Variants in FHIT observed in about 807,000 individuals in gnomAD.
FHIT encodes fragile histidine triad diadenosine triphosphatase, also known as bis(5'-adenosyl)-triphosphatase.
FHIT carries 19 observed loss-of-function variants against 17.9 expected under a neutral mutation model. The observed-to-expected ratio is 1.06, with a 90% CI of 0.74 to 1.56. The LOEUF is 1.56. Among genes scored for constraint, FHIT ranks in the 40% most tolerant of loss-of-function variants. FHIT has a pLI of 0.00. For missense variants in FHIT, 248 were observed against 189.2 expected (o/e 1.31, Z -1.82); for synonymous variants, 81 against 69.7 (o/e 1.16, Z -0.81).
chr3:60,985,533 G>A (rs1372505890), intron 3 of FHIT, among the ~76,000 whole-genome samples: 1 of 152,128 alleles, frequency 6.6e-6, no homozygotes, highest in Non-Finnish European at 1.5e-5. Flanking sequence ...ACAAGCATGT[G>A]ACCTATGGCA....
In FHIT at chr3:60,075,233, CA is replaced by C. The variant is rs576386057; in HGVS notation, c.104-61082del. Among the ~76,000 whole-genome samples, 134 of 152,176 alleles carry C rather than the reference CA, an allele frequency of 8.8e-4. 1 individual carries two copies. The highest frequency in any genetic ancestry group is 2.4e-3 in the African/African-American group (99 of 41,544). Reference sequence around the variant, plus strand: ...CTGTCAGGAGAACCAATGGAATAATCAATCACTCAATTTAAAGTGGGGAGCT... The same window carrying C: ...CTGTCAGGAGAACCAATGGAATAATCATCACTCAATTTAAAGTGGGGAGCT... On this transcript the variant is annotated intron_variant, in intron 5 of 9. Coordinates refer to ENST00000492590, the MANE Select transcript of FHIT (RefSeq NM_002012.4).
chr3:60,993,156 C>T (rs2030392145), intron 3 of FHIT, among the ~76,000 whole-genome samples: 1 of 152,182 alleles, frequency 6.6e-6, no homozygotes, highest in African/African-American at 2.4e-5. Flanking sequence ...GCATCTATCT[C>T]AGTGAAAAAT....
At chr3:60,080,889 T>C (rs1703251784) in intron 5 of FHIT, 1 of 152,136 alleles carries the variant, frequency 6.6e-6, no homozygotes, top group African/African-American at 2.4e-5. Flanking sequence ...TCTTGTGACC[T>C]TGCCAGGAAA....
intron 8 of FHIT, among the ~76,000 whole-genome samples, chr3:59,902,041 A>T (rs1035521153): frequency 6.6e-6 from 1 of 152,210 alleles, no homozygotes; most frequent in Admixed American, 6.5e-5. Flanking sequence ...TTTGGAAACC[A>T]TATATCAGAC....
intron 5 of FHIT, among the ~76,000 whole-genome samples, chr3:60,336,753 A>C (rs1388386559): frequency 6.6e-6 from 1 of 152,206 alleles, no homozygotes; most frequent in Non-Finnish European, 1.5e-5. Context: ...GACAGCATTG[A>C]ATTAGATAAT....
intron 8 of FHIT, among the ~76,000 whole-genome samples, chr3:59,841,528 T>C (rs557524874): frequency 6.6e-6 from 1 of 152,258 alleles, no homozygotes; most frequent in Non-Finnish European, 1.5e-5. Flanking sequence ...AACCCAGGGC[T>C]CCCCACTGGC....
intron 2 of FHIT, among the ~76,000 whole-genome samples, chr3:61,077,460 T>TA (rs896954017): frequency 1.3e-4 from 19 of 151,082 alleles, no homozygotes; most frequent in Non-Finnish European, 2.8e-4. Context: ...AGTCAATTAT[T>TA]AAAAAAAACA....
intron 3 of FHIT, among the ~76,000 whole-genome samples, chr3:60,822,249 A>G (rs1191544203): frequency 6.6e-6 from 1 of 152,228 alleles, no homozygotes; most frequent in Non-Finnish European, 1.5e-5. Flanking sequence ...GAAAAGGGGC[A>G]GAACCATGCC....
intron 3 of FHIT, among the ~76,000 whole-genome samples, chr3:60,854,070 T>C (rs1703266923): frequency 6.6e-6 from 1 of 152,122 alleles, no homozygotes; most frequent in Non-Finnish European, 1.5e-5. Flanking sequence ...AATGTTCAGA[T>C]TCACCAGTGG....
intron 4 of FHIT, among the ~76,000 whole-genome samples, chr3:60,709,168 A>C (rs1553704319): frequency 2.6e-5 from 4 of 152,240 alleles, no homozygotes. Context: ...GAAAACTTTC[A>C]AAACACTATG....
chr3:60,060,157 A>G (rs1702241676), intron 5 of FHIT, among the ~76,000 whole-genome samples: 1 of 152,164 alleles, frequency 6.6e-6, no homozygotes, highest in East Asian at 1.9e-4. Flanking sequence ...ACAAAAATAA[A>G]GAACATAATG....
At chr3:60,746,756 G>T (rs1553715443) in intron 4 of FHIT, among the ~76,000 whole-genome samples, 1 of 152,212 alleles carries the variant, frequency 6.6e-6, no homozygotes, top group Non-Finnish European at 1.5e-5. Context: ...ATGCCACTGG[G>T]TAGGGGCTGA....
chr3:60,882,116 C>T (rs1705009161), intron 3 of FHIT, among the ~76,000 whole-genome samples: 1 of 152,010 alleles, frequency 6.6e-6, no homozygotes, highest in Non-Finnish European at 1.5e-5. Context: ...CAACTGTACA[C>T]CCACAAATTG....
intron 3 of FHIT, among the ~76,000 whole-genome samples, chr3:61,019,737 C>G (rs2032308900): frequency 6.6e-6 from 1 of 152,196 alleles, no homozygotes; most frequent in African/African-American, 2.4e-5. Flanking sequence ...GAACCTCTTT[C>G]ACATTCCTAC....
chr3:60,974,066 C>A (rs1710136513), intron 3 of FHIT, among the ~76,000 whole-genome samples: 1 of 152,192 alleles, frequency 6.6e-6, no homozygotes. Flanking sequence ...ACATTAATGT[C>A]TATGCCTGGC....
At chr3:60,478,169 T>C (rs1405564571) in intron 5 of FHIT, among the ~76,000 whole-genome samples, 2 of 152,194 alleles carry the variant, frequency 1.3e-5, no homozygotes, top group Admixed American at 1.3e-4. Flanking sequence ...ATTCTTCCAA[T>C]AATCAGCAGT....
intron 3 of FHIT, among the ~76,000 whole-genome samples, chr3:60,954,702 G>C (rs1398467442): frequency 6.6e-6 from 1 of 152,138 alleles, no homozygotes; most frequent in Non-Finnish European, 1.5e-5. Flanking sequence ...TCCAAAAGAG[G>C]TTAGCTGCAA....
At chr3:59,781,391 C>G (rs9681919) in intron 8 of FHIT, among the ~76,000 whole-genome samples, 19 of 152,188 alleles carry the variant, frequency 1.2e-4, no homozygotes, top group Admixed American at 1.2e-3. Context: ...CTGTGCTACT[C>G]GGTTCATAAA....
intron 5 of FHIT, among the ~76,000 whole-genome samples, chr3:60,209,203 A>G (rs1272631828): frequency 6.6e-6 from 1 of 152,152 alleles, no homozygotes; most frequent in Non-Finnish European, 1.5e-5. Flanking sequence ...TACTGTAACT[A>G]TATGGTGAAA....
Sources: allele counts gnomAD v4.1 joint callset (sites outside exome capture counted in the v4.1 genomes callset), GRCh38; gene constraint gnomAD v4.1.1; transcripts MANE v1.5; gene names NCBI Gene and HGNC (gene_info 2026-07-23, HGNC 2026-07-21).